The following SRRM3 variants were observed in gnomAD, a reference collection of about 807,000 sequenced individuals.
The protein encoded by SRRM3 is serine/arginine repetitive matrix protein 3.
Under a neutral mutation model 66.2 loss-of-function variants are expected in SRRM3, and 27 were observed. That is an observed-to-expected ratio of 0.41 (90% CI 0.30 to 0.56). The LOEUF (loss-of-function observed/expected upper bound fraction) is 0.56, where lower values mean the gene tolerates loss of function less well. Among genes scored for constraint, SRRM3 ranks in the 20% least tolerant of loss-of-function variants. The pLI, the probability that SRRM3 is intolerant of heterozygous loss-of-function variation, is 0.32. For synonymous variants in SRRM3, 391 were observed against 414.9 expected (o/e 0.94, Z 0.70); for missense variants, 918 against 991.9 (o/e 0.93, Z 1.00).
chr7:76,224,687 A>G (rs1418868620), intron 1 of SRRM3, among the ~76,000 whole-genome samples: 1 of 152,174 alleles, frequency 6.6e-6, no homozygotes, highest in African/African-American at 2.4e-5. Context: ...AATGATGAAT[A>G]AAACGTACAC....
chr7:76,230,575 GGAGGTCAAGGCTGCAGT>G (rs1554604151), intron 1 of SRRM3, among the ~76,000 whole-genome samples: 32 of 151,758 alleles, frequency 2.1e-4, no homozygotes, highest in Admixed American at 9.2e-4. Context: ...CTGAAGCCCA[GGAGGTCAAGGCTGCAGT>G]GAGCTATAGT....
At chr7:76,240,547 G>A (rs574590295) in intron 2 of SRRM3, among the ~76,000 whole-genome samples, 25 of 151,370 alleles carry the variant, frequency 1.7e-4, no homozygotes, top group African/African-American at 5.1e-4. Flanking sequence ...GTGAACCCGG[G>A]AGGCGGAGCT....
intron 1 of SRRM3, among the ~76,000 whole-genome samples, chr7:76,215,997 C>T (rs1401115408): frequency 1.1e-4 from 17 of 150,042 alleles, no homozygotes; most frequent in Admixed American, 5.3e-4. Flanking sequence ...TTAGTAGAGA[C>T]GGGGTTTCAC....
At chr7:76,209,147 G>A (rs1800370743) in intron 1 of SRRM3, among the ~76,000 whole-genome samples, 1 of 152,198 alleles carries the variant, frequency 6.6e-6, no homozygotes, top group South Asian at 2.1e-4. Context: ...TCTGCTAGGT[G>A]GAGGTCACCC....
chr7:76,269,962 T>G (rs1802170528), intron 11 of SRRM3: 1 of 151,778 alleles, frequency 6.6e-6, no homozygotes. Context: ...TAATCTGAAT[T>G]TAAAAGGGAA....
At chr7:76,274,477 C>T (rs535985530) in intron 11 of SRRM3, among the ~76,000 whole-genome samples, 2 of 152,346 alleles carry the variant, frequency 1.3e-5, no homozygotes, top group Non-Finnish European at 2.9e-5. Flanking sequence ...CTCTGTGAGA[C>T]AATTTACAGG....
chr7:76,273,862 T>C (rs1043410119), intron 11 of SRRM3, among the ~76,000 whole-genome samples: 29 of 152,188 alleles, frequency 1.9e-4, no homozygotes, highest in Non-Finnish European at 4.0e-4. Flanking sequence ...CCCCTCCTTC[T>C]TCACCTTCCT....
At position 76,285,016 on chromosome 7, in the gene SRRM3, G is replaced by A. The variant is rs967016305; in HGVS notation, c.1734-599G>A. On this transcript the variant is annotated intron_variant, in intron 14 of 14. Transcript: ENST00000611745. The surrounding 1 kb of genome is among the most constrained non-coding windows in gnomAD (Gnocchi z 4.1). ...GGGACGTAGTCACAGACACTTACAC[G>A]CCAGCTTGGGTGATGGGAGCTGTCC... 2.0e-5 allele frequency among the ~76,000 whole-genome samples: 3 copies of A among 152,298 alleles called. No individual in the cohort carries two copies. The highest frequency in any genetic ancestry group is 6.5e-5 in the Admixed American group (1 of 15,296).
intron 11 of SRRM3, among the ~76,000 whole-genome samples, chr7:76,272,646 C>T (rs1802242120): frequency 6.6e-6 from 1 of 151,656 alleles, no homozygotes; most frequent in African/African-American, 2.4e-5. Context: ...AGCGAGACTC[C>T]ATCTCAAAAA....
rs782446553 is a variant in SRRM3 at position 76,261,402 on chromosome 7, A to T, written c.626A>T (p.His209Leu). ...AAGAAGAAGAAGAGTGTGAAGAAGC[A>T]TCGCCGAGACAGGTACCCTTGCTGC... ...LRKKKKSVKK[H>L]RRDRSDSGSR... Residue 209 changes from histidine (H) to leucine (L), a missense_variant, in exon 7 of 15, where the codon CAT becomes CTT. Coordinates refer to ENST00000611745, the MANE Select transcript of SRRM3 (RefSeq NM_001110199.3). 5 of 1,599,076 alleles carry T rather than the reference A, an allele frequency of 3.1e-6. No homozygotes were observed. The highest frequency in any genetic ancestry group is 4.3e-6 in the Non-Finnish European group (5 of 1,173,162).
chr7:76,245,004 A>G (rs1554606039), intron 2 of SRRM3, among the ~76,000 whole-genome samples: 1 of 152,234 alleles, frequency 6.6e-6, no homozygotes, highest in East Asian at 1.9e-4. Flanking sequence ...AGACCAGCCA[A>G]CAGATAATTA....
At chr7:76,205,412 G>GT (rs1188401538) in intron 1 of SRRM3, among the ~76,000 whole-genome samples, 1 of 152,116 alleles carries the variant, frequency 6.6e-6, no homozygotes, top group African/African-American at 2.4e-5. Flanking sequence ...GTTTTGTGAT[G>GT]TTGGCCAAGC....
At chr7:76,258,729 AAAAAG>A (rs1563630154) in intron 3 of SRRM3, among the ~76,000 whole-genome samples, 4 of 142,480 alleles carry the variant, frequency 2.8e-5, no homozygotes, top group African/African-American at 8.2e-5. Flanking sequence ...AAAAAAAAAA[AAAAAG>A]AAAAAGAAAA....
intron 11 of SRRM3, chr7:76,273,146 T>C (rs1802253768): frequency 6.6e-6 from 1 of 152,298 alleles, no homozygotes; most frequent in Admixed American, 6.5e-5. Context: ...TCTTTCTCCT[T>C]CTCTTCCCAT....
Position 76,281,763 on chromosome 7 carries a change from A to G in SRRM3, c.1331A>G (p.Glu444Gly). ...SGRGAPGPGP[E>G]PGSERGHGGH... is the part of the protein sequence containing the mutation. Reference sequence around the variant, plus strand: ...CGCGGCGCCCCCGGCCCCGGGCCCGAGCCCGGCTCTGAGCGAGGCCACGGC... The same window carrying G: ...CGCGGCGCCCCCGGCCCCGGGCCCGGGCCCGGCTCTGAGCGAGGCCACGGC... The change falls in exon 12 of 15, where the codon GAG (glutamate) becomes GGG (glycine). Residue 444 changes from glutamate to glycine, a missense_variant. By Grantham distance (98) the Glu-to-Gly change is moderately conservative. Transcript: ENST00000611745. 4 of 1,375,836 alleles carry G rather than the reference A, an allele frequency of 2.9e-6. No individual in the cohort carries two copies. Among genetic ancestry groups the G allele is most frequent in the Non-Finnish European group, 3.8e-6 (4 of 1,063,200 alleles). The allele number at this position is 1,375,836 out of a possible 1,614,324, so 85.2% of individuals were successfully genotyped here. A position where few individuals can be genotyped will look rare whatever the true frequency, so the allele number is the denominator to read the frequency against.
chr7:76,245,136 A>G (rs545405101), intron 2 of SRRM3, among the ~76,000 whole-genome samples: 1 of 152,348 alleles, frequency 6.6e-6, no homozygotes, highest in South Asian at 2.1e-4. Context: ...AAGGAGTCAA[A>G]TCTTTGCCAT....
intron 3 of SRRM3, among the ~76,000 whole-genome samples, chr7:76,257,890 A>T (rs1202913489): frequency 6.6e-6 from 1 of 152,172 alleles, no homozygotes; most frequent in Non-Finnish European, 1.5e-5. Context: ...TCACAGAGGG[A>T]CACGGCAGGC....
At chr7:76,261,681 C>A in intron 8 of SRRM3, 100 bp downstream of exon 8, 1 of 1,315,232 alleles carries the variant, frequency 7.6e-7, no homozygotes, top group Non-Finnish European at 1.1e-6. Flanking sequence ...CCACAGGGCT[C>A]CATCCTTCAG....
At chr7:76,264,287 C>A (rs1404808545) in intron 8 of SRRM3, among the ~76,000 whole-genome samples, 1 of 151,948 alleles carries the variant, frequency 6.6e-6, no homozygotes, top group Non-Finnish European at 1.5e-5. Flanking sequence ...TTGCCTCAGC[C>A]TCCCTAGTAG....
Sources: gnomAD v4.1 joint callset for allele counts (sites outside exome capture counted in the v4.1 genomes callset) on GRCh38, gnomAD v4.1.1 for gene constraint, Gnocchi (gnomAD v3.1) non-coding constraint, MANE v1.5 for transcripts, NCBI Gene and HGNC (gene_info 2026-07-23, HGNC 2026-07-21) for gene names.